CNBD1: variants seen among roughly 807,000 people sequenced by gnomAD.
The protein encoded by CNBD1 is cyclic nucleotide-binding domain-containing protein 1.
Under a neutral mutation model 54.4 loss-of-function variants are expected in CNBD1, and 71 were observed. The observed-to-expected ratio is 1.30, with a 90% CI of 1.08 to 1.59. CNBD1 has a LOEUF of 1.59. CNBD1 is among the 40% of genes most tolerant of loss of function. The pLI, the probability that CNBD1 is intolerant of heterozygous loss-of-function variation, is 0.00. For synonymous variants in CNBD1, 182 were observed against 170.7 expected, an observed-to-expected ratio of 1.07 and a Z score of -0.51; for missense variants, 659 against 518.0, an observed-to-expected ratio of 1.27 and a Z score of -2.64.
chr8:86,955,752 TG>T (rs916980230), intron 4 of CNBD1, among the ~76,000 whole-genome samples: 1 of 152,222 alleles, frequency 6.6e-6, no homozygotes, highest in Non-Finnish European at 1.5e-5. Context: ...ATGGGTAGTT[TG>T]TAAAAATTGT....
rs1023496118 is a variant in CNBD1 at position 87,116,946 on chromosome 8, C to T, written c.432-89047C>T. Among the ~76,000 whole-genome samples the T allele has an allele frequency of 3.8e-4, 58 of 152,128 alleles. 3 individuals are homozygous for T. The highest frequency in any genetic ancestry group is 1.5e-5 in the Non-Finnish European group (1 of 68,030). ...TATTATTATATTTCTTATTTACTTA[C>T]TCTTTCTGTTTTTCTTACCAGAACT... On this transcript the variant is annotated intron_variant, in intron 4 of 10. Transcript: ENST00000518476.
chr8:87,087,663 T>C (rs1462736534), intron 4 of CNBD1, among the ~76,000 whole-genome samples: 1 of 152,034 alleles, frequency 6.6e-6, no homozygotes, highest in African/African-American at 2.4e-5. Flanking sequence ...AGACGGGGTT[T>C]CACCGTGTTA....
At chr8:87,358,506 A>G (rs553742721) in intron 10 of CNBD1, among the ~76,000 whole-genome samples, 249 of 152,196 alleles carry the variant, frequency 1.6e-3, no homozygotes, top group Middle Eastern at 3.4e-3. Context: ...CAAGGCAAAT[A>G]CACTGTGGAC....
intron 4 of CNBD1, among the ~76,000 whole-genome samples, chr8:86,957,828 C>T (rs1461714752): frequency 1.3e-5 from 2 of 152,120 alleles, no homozygotes; most frequent in African/African-American, 4.8e-5. Context: ...TCTCTATCTC[C>T]TTCAGTTTTG....
chr8:86,918,174 A>T (rs1324696705), intron 3 of CNBD1, among the ~76,000 whole-genome samples: 1 of 152,158 alleles, frequency 6.6e-6, no homozygotes, highest in Non-Finnish European at 1.5e-5. Context: ...CTAATTGCCC[A>T]CCTCTCAGGA....
rs369697696 is a variant in CNBD1, at chr8:87,044,212, G to GT, written c.431+104468dup. Among the ~76,000 whole-genome samples the GT allele has an allele frequency of 2.2e-3, 318 of 144,858 alleles. 1 individual carries two copies. Among genetic ancestry groups the GT allele is most frequent in the East Asian group, 0.016 (82 of 4,986 alleles). ...TTCACATGATCATATGTTTTTGTGG[G>GT]TTTTTTTTTTGTTTTTTTGCAAAAG... On this transcript the variant is annotated intron_variant, in intron 4 of 10. Transcript: ENST00000518476.
intron 8 of CNBD1, among the ~76,000 whole-genome samples, chr8:87,347,893 A>C (rs1249813702): frequency 6.6e-6 from 1 of 152,190 alleles, no homozygotes; most frequent in Non-Finnish European, 1.5e-5. Flanking sequence ...ATATTCTGAT[A>C]ATTTCTGTGA....
At chr8:87,088,480 AG>A (rs1302484850) in intron 4 of CNBD1, among the ~76,000 whole-genome samples, 3 of 152,228 alleles carry the variant, frequency 2.0e-5, no homozygotes, top group Non-Finnish European at 4.4e-5. Flanking sequence ...CACTTTTCAT[AG>A]ATATTACTCT....
intron 1 of CNBD1, among the ~76,000 whole-genome samples, chr8:86,873,532 A>T (rs975586988): frequency 4.0e-5 from 6 of 151,826 alleles, no homozygotes; most frequent in African/African-American, 1.5e-4. Context: ...AATGGCTCAC[A>T]CCTGTAATCC....
At chr8:87,251,469 T>C (rs1807915582) in intron 6 of CNBD1, among the ~76,000 whole-genome samples, 1 of 151,734 alleles carries the variant, frequency 6.6e-6, no homozygotes, top group African/African-American at 2.4e-5. Context: ...GCACCTGTAA[T>C]CCCAGCTACT....
At chr8:87,378,493 A>T (rs1015131326) in intron 10 of CNBD1, among the ~76,000 whole-genome samples, 10 of 150,702 alleles carry the variant, frequency 6.6e-5, no homozygotes, top group Admixed American at 6.6e-5. Context: ...TGAGGGCTCC[A>T]TTCTGTTCCA....
At chr8:86,979,423 AAAAAAG>A (rs1196721603) in intron 4 of CNBD1, among the ~76,000 whole-genome samples, 10 of 145,504 alleles carry the variant, frequency 6.9e-5, no homozygotes, top group East Asian at 2.0e-4. Flanking sequence ...AAAAAAAAAA[AAAAAAG>A]GCAAAAACAA....
chr8:87,011,868 C>G (rs903904384), intron 4 of CNBD1, among the ~76,000 whole-genome samples: 1 of 151,974 alleles, frequency 6.6e-6, no homozygotes. Flanking sequence ...ATAATTGATA[C>G]TAAGAATAAT....
intron 3 of CNBD1, among the ~76,000 whole-genome samples, chr8:86,926,865 CTTCTGTAGCAGTAGCCA>C (rs1411261766): frequency 6.6e-6 from 1 of 152,152 alleles, no homozygotes; most frequent in East Asian, 1.9e-4. Context: ...GCTATTCTGG[CTTCTGTAGCAGTAGCCA>C]TTCCTAACTG....
intron 4 of CNBD1, among the ~76,000 whole-genome samples, chr8:87,195,893 A>C (rs1458946938): frequency 4.6e-5 from 7 of 152,138 alleles, no homozygotes; most frequent in African/African-American, 1.4e-4. Flanking sequence ...TTCTTATAGC[A>C]TACTTCTTCA....
chr8:87,309,399 T>C (rs938644300), intron 8 of CNBD1, among the ~76,000 whole-genome samples: 10 of 152,174 alleles, frequency 6.6e-5, no homozygotes, highest in Non-Finnish European at 8.8e-5. Context: ...TAGCTGTCTT[T>C]TATTCGGGTC....
intron 2 of CNBD1, among the ~76,000 whole-genome samples, chr8:86,897,045 C>T (rs957628501): frequency 6.6e-6 from 1 of 152,122 alleles, no homozygotes; most frequent in South Asian, 2.1e-4. Flanking sequence ...AAAAGATCTG[C>T]TCTCATATGC....
chr8:87,001,002 T>C (rs1808978901), intron 4 of CNBD1, among the ~76,000 whole-genome samples: 2 of 152,258 alleles, frequency 1.3e-5, no homozygotes, highest in Middle Eastern at 3.4e-3. Flanking sequence ...TTTTCTACAT[T>C]TTATCTTTGA....
intron 5 of CNBD1, among the ~76,000 whole-genome samples, chr8:87,221,071 C>A (rs974583257): frequency 6.6e-6 from 1 of 151,952 alleles, no homozygotes; most frequent in South Asian, 2.1e-4. Flanking sequence ...TTTGGTGTTT[C>A]TTGTCACTTT....
Sources: allele counts gnomAD v4.1 joint callset (sites outside exome capture counted in the v4.1 genomes callset), GRCh38; gene constraint gnomAD v4.1.1; transcripts MANE v1.5; gene names NCBI Gene and HGNC (gene_info 2026-07-23, HGNC 2026-07-21).